Variants in ITGAE observed in about 807,000 individuals in gnomAD.
The protein encoded by ITGAE is integrin subunit alpha E.
ITGAE carries 99 observed loss-of-function variants against 136.5 expected under a neutral mutation model. The observed-to-expected ratio is 0.73, with a 90% CI of 0.62 to 0.86. The LOEUF (loss-of-function observed/expected upper bound fraction) is 0.86. ITGAE is among the 40% of genes least tolerant of loss of function. The pLI is 0.00. For missense variants in ITGAE, 1,447 were observed against 1,515.3 expected (o/e 0.95, Z 0.75); for synonymous variants, 613 against 591.8 (o/e 1.04, Z -0.52).
chr17:3,766,791 A>G (rs1006678237), intron 2 of ITGAE, among the ~76,000 whole-genome samples: 1 of 93,842 alleles, frequency 1.1e-5, no homozygotes, highest in Non-Finnish European at 2.0e-5. Context: ...GAAAGAGTGC[A>G]AAATAATAAT....
rs1012920181 is a variant in ITGAE at position 3,753,333 on chromosome 17, T to C, written c.1625A>G (p.His542Arg). The C allele has an allele frequency of 6.2e-7, 1 of 1,614,162 alleles. No homozygotes were observed. Among genetic ancestry groups the C allele is most frequent in the East Asian group, 2.2e-5 (1 of 44,872 alleles). ...LLVAAPFYHV[H>R]GEEGRVYVYR... ...CACGTAGACTCTGCCTTCTTCTCCA[T>C]GAACGTGGTAAAATGGAGCAGCCAC... The change falls in exon 14 of 31, where the codon CAT (histidine) becomes CGT (arginine). Residue 542 changes from histidine to arginine, a missense_variant. Around this residue, in one of 3 missense-constraint regions of ITGAE, gnomAD observed 1,031 missense variants for 1,011.4 expected, o/e 1.02. Transcript: ENST00000263087.
chr17:3,746,669 A>T (rs2051724070), intron 17 of ITGAE, among the ~76,000 whole-genome samples: 1 of 152,006 alleles, frequency 6.6e-6, no homozygotes, highest in Admixed American at 6.6e-5. Context: ...CATGTTAGCC[A>T]GGATGGTCTC....
At chr17:3,734,994 A>T in intron 20 of ITGAE, 45 bp from the exon 21 acceptor site, 2 of 1,610,296 alleles carry the variant, frequency 1.2e-6, no homozygotes, top group Non-Finnish European at 1.7e-6. Flanking sequence ...TTTCATCTGT[A>T]AAAACCTCAA....
chr17:3,751,616 CAGAGGAGAG>C (rs748058630), intron 15 of ITGAE, 25 bp downstream of exon 15: 22 of 1,587,338 alleles, frequency 1.4e-5, no homozygotes, highest in Non-Finnish European at 1.9e-5. Context: ...GTCAGAGCCC[CAGAGGAGAG>C]GAAGGAGAGG....
chr17:3,761,854 C>T, intron 4 of ITGAE, 61 bp downstream of exon 4: 1 of 1,446,608 alleles, frequency 6.9e-7, no homozygotes, highest in Non-Finnish European at 9.6e-7. Context: ...ACACCAGGGT[C>T]AACCACGAGG....
In ITGAE at chr17:3,753,912, G is replaced by A. The variant is rs894493647; in HGVS notation, c.1398C>T (p.Ala466=). 11 of 1,613,894 alleles carry A rather than the reference G, an allele frequency of 6.8e-6. No homozygotes were observed. The East Asian group carries it at 8.9e-5, about 13-fold the overall frequency. ...AQYSYLGYAV[A]VLHKTCSLSY... is the part of the protein sequence containing the mutation. ...AGAGGCTGCAGGTCTTGTGCAGCAC[G>A]GCCACAGCGTAACCTGGGGCAAGGG... Residue 466 remains alanine (A), a synonymous_variant, in exon 13 of 31, where the codon GCC becomes GCT. Coordinates refer to ENST00000263087, the MANE Select transcript of ITGAE (RefSeq NM_002208.5).
At chr17:3,788,617 C>T (rs111449568) in intron 1 of ITGAE, among the ~76,000 whole-genome samples, 1 of 150,390 alleles carries the variant, frequency 6.6e-6, no homozygotes, top group Admixed American at 6.7e-5. Flanking sequence ...TTTCTTGATA[C>T]GGGTGTGACT....
chr17:3,720,350 T>C lies in ITGAE; in HGVS notation c.3290A>G (p.Lys1097Arg), dbSNP rs778831487. The change falls in exon 29 of 31, where the codon AAA (lysine) becomes AGA (arginine). Residue 1097 changes from lysine to arginine, a missense_variant. Transcript: ENST00000263087. ...TGCATTCAGTCCCTCATATAGAGAT[T>C]TGTTGAAAGATATTTCACCAAGGAT... ...LQILGEISFN[K>R]SLYEGLNAEN... 5.0e-6 allele frequency: 8 copies of C among 1,592,064 alleles called. No homozygotes were observed. The Admixed American group carries it at 1.0e-4, about 20-fold the overall frequency.
chr17:3,790,907 C>A (rs2052921840), intron 1 of ITGAE, among the ~76,000 whole-genome samples: 1 of 152,138 alleles, frequency 6.6e-6, no homozygotes, highest in South Asian at 2.1e-4. Context: ...GTAATCCCAG[C>A]ACTTTGGGAG....
intron 1 of ITGAE, among the ~76,000 whole-genome samples, chr17:3,785,778 G>A (rs1388454872): frequency 6.7e-6 from 1 of 148,794 alleles, no homozygotes; most frequent in Non-Finnish European, 1.5e-5. Flanking sequence ...TAAATCACTA[G>A]CAATACTGAA....
At chr17:3,756,005 T>C in intron 10 of ITGAE, 108 bp from the exon 11 acceptor site, 1 of 1,080,574 alleles carries the variant, frequency 9.3e-7, no homozygotes, top group Non-Finnish European at 1.4e-6. Context: ...CCATGCTTGG[T>C]GTAACAGGAA....
Position 3,714,721 on chromosome 17 carries a change from A to C in ITGAE, c.*126T>G. The C allele has an allele frequency of 1.7e-6, 1 of 580,672 alleles. No individual in the cohort carries two copies. The highest frequency in any genetic ancestry group is 3.3e-5 in the Admixed American group (1 of 29,854). 36.0% of individuals were successfully genotyped at this position (580,672 alleles called of 1,614,324 possible). A position where few individuals can be genotyped will look rare whatever the true frequency, so the allele number is the denominator to read the frequency against. On this transcript the variant is annotated 3_prime_UTR_variant, in exon 31 of 31. Transcript: ENST00000263087. ...ACACTTTTGGGACAATGTATGGTTA[A>C]AAACTAATATTCTACCAACAGCTCC...
Position 3,723,295 on chromosome 17 carries a change from G to C in ITGAE, c.3230C>G (p.Ser1077Cys). The change falls in exon 28 of 31, where the codon TCT becomes TGT. Residue 1077 changes from serine (S) to cysteine (C), a missense_variant. Physicochemically the swap from Ser to Cys is moderately radical, Grantham distance 112. Coordinates refer to ENST00000263087, the MANE Select transcript of ITGAE (RefSeq NM_002208.5). The stretch of plus-strand genomic sequence containing the variant: ...CATTTCAGTCTCAAACACCTCCTCA[G>C]AGTGATCCCAGGAGATCTCTGCAGC... Reference protein sequence around the residue: ...TVAAEISWDHSEELLKDVTEL... With the variant: ...TVAAEISWDHCEELLKDVTEL... The C allele has an allele frequency of 6.2e-7, 1 of 1,608,960 alleles. No homozygotes were observed. Among genetic ancestry groups the C allele is most frequent in the South Asian group, 1.1e-5 (1 of 90,960 alleles).
chr17:3,763,987 T>G (rs1226896526), intron 2 of ITGAE, 27 bp from the exon 3 acceptor site: 1 of 1,527,734 alleles, frequency 6.5e-7, no homozygotes, highest in Admixed American at 1.7e-5. Flanking sequence ...GTTGCAAAGC[T>G]GAGCTGGCTG....
chr17:3,795,784 T>C (rs1400213342), intron 1 of ITGAE, among the ~76,000 whole-genome samples: 1 of 151,548 alleles, frequency 6.6e-6, no homozygotes, highest in Non-Finnish European at 1.5e-5. Flanking sequence ...CGTGTGTGCA[T>C]GTGTGTGCAT....
chr17:3,716,825 T>C, intron 29 of ITGAE, 27 bp from the exon 30 acceptor site: 13 of 1,299,034 alleles, frequency 1.0e-5, no homozygotes, highest in Non-Finnish European at 1.4e-5. Flanking sequence ...GATCGCCCAA[T>C]AAATCAGGTG....
At position 3,751,726 on chromosome 17, in the gene ITGAE, G is replaced by A. The variant is rs755361556; in HGVS notation, c.1817C>T (p.Ala606Val). The stretch of plus-strand genomic sequence containing the variant: ...ACTGCCGAAGCTGGCACCATCATCT[G>A]CCCCAAAACCTTCCAGGGGGGCCCC... ...AIGAPLEGFG[A>V]DDGASFGSVY... The change falls in exon 15 of 31, where the codon GCA becomes GTA. Residue 606 changes from alanine to valine, a missense_variant. Physicochemically the swap from Ala to Val is moderately conservative, Grantham distance 64. This residue lies in a region of ITGAE where 1,031 missense variants were observed against 1,011.4 expected (regional missense o/e 1.02). Transcript: ENST00000263087. 1.9e-6 allele frequency: 3 copies of A among 1,614,010 alleles called. No individual in the cohort carries two copies. The highest frequency in any genetic ancestry group is 4.5e-5 in the East Asian group (2 of 44,872).
At chr17:3,790,884 G>A (rs1049506142) in intron 1 of ITGAE, among the ~76,000 whole-genome samples, 1 of 152,112 alleles carries the variant, frequency 6.6e-6, no homozygotes, top group Non-Finnish European at 1.5e-5. Context: ...GCCGGGCATG[G>A]TGGCTCACGC....
chr17:3,753,764 G>C lies in ITGAE; in HGVS notation c.1527+19C>G. 6.2e-7 allele frequency: 1 copy of C among 1,613,852 alleles called. No homozygotes were observed. Among genetic ancestry groups the C allele is most frequent in the Non-Finnish European group, 8.5e-7 (1 of 1,179,940 alleles). On this transcript the variant is annotated intron_variant, in intron 13 of 30. Transcript: ENST00000263087. ...TTCCCCATCGGTCATAAGGGGTGGA[G>C]GCTTTCCCCAGCAGGTACCTGCTCT...
Sources: allele counts gnomAD v4.1 joint callset (sites outside exome capture counted in the v4.1 genomes callset), GRCh38; gene constraint gnomAD v4.1.1; regional missense constraint gnomAD v4.1.1; transcripts MANE v1.5; gene names NCBI Gene and HGNC (gene_info 2026-07-23, HGNC 2026-07-21).